MYCBP2: variants seen among roughly 807,000 people sequenced by gnomAD.
MYCBP2 encodes the protein MYC binding protein 2, also known as E3 ubiquitin-protein ligase MYCBP2.
MYCBP2 carries 120 observed loss-of-function variants against 525.3 expected under a neutral mutation model. The ratio of observed to expected loss-of-function variants is 0.23; its 90% CI spans 0.20 to 0.27. The LOEUF (loss-of-function observed/expected upper bound fraction) is 0.27, where lower values mean the gene tolerates loss of function less well. MYCBP2 is among the 10% of genes least tolerant of loss of function. The probability of loss-of-function intolerance (pLI) is 1.00; values close to 1 mark genes in which losing one functional copy is unlikely to be tolerated. For synonymous variants in MYCBP2, 1,894 were observed against 1,955.8 expected, an observed-to-expected ratio of 0.97 and a Z score of 0.83; for missense variants, 4,149 against 5,657.1, an observed-to-expected ratio of 0.73 and a Z score of 8.55.
intron 32 of MYCBP2, among the ~76,000 whole-genome samples, chr13:77,184,526 C>T (rs1039114066): frequency 1.3e-5 from 2 of 152,180 alleles, no homozygotes; most frequent in African/African-American, 4.8e-5. Flanking sequence ...GTTGACAGTA[C>T]TGTTCAAATC....
At chr13:77,208,788 GTTT>G (rs978111138) in intron 23 of MYCBP2, among the ~76,000 whole-genome samples, 1 of 151,996 alleles carries the variant, frequency 6.6e-6, no homozygotes, top group African/African-American at 2.4e-5. Flanking sequence ...TTTTTGCTTT[GTTT>G]TTTAAAAAAT....
Position 77,097,981 on chromosome 13 carries a change from T to A in MYCBP2, c.9173A>T (p.His3058Leu), listed in dbSNP as rs778086103. 6.2e-7 allele frequency: 1 copy of A among 1,613,642 alleles called. No individual in the cohort carries two copies. The part of the protein sequence containing the change: ...AMACSSFLKF[H>L]PELSKEHAPI... ...AGCATGTTCTTTGGAAAGTTCAGGA[T>A]GAAACTTTAGGAAAGAAGAACAAGC... Residue 3058 changes from histidine to leucine, a missense_variant, in exon 56 of 83, where the codon CAT becomes CTT. Coordinates refer to ENST00000544440, the MANE Select transcript of MYCBP2 (RefSeq NM_015057.5).
intron 14 of MYCBP2, among the ~76,000 whole-genome samples, chr13:77,252,910 G>A (rs772509240): frequency 3.1e-4 from 47 of 151,864 alleles, no homozygotes; most frequent in Non-Finnish European, 2.2e-4. Flanking sequence ...TCCAATACTG[G>A]AACTATTATC....
chr13:77,294,122 A>G (rs1323011904), intron 2 of MYCBP2, among the ~76,000 whole-genome samples: 4 of 66,032 alleles, frequency 6.1e-5, no homozygotes, highest in African/African-American at 1.6e-4. Flanking sequence ...ATATATATAT[A>G]TATATATACA....
intron 15 of MYCBP2, among the ~76,000 whole-genome samples, chr13:77,249,204 A>G (rs1567047196): frequency 6.6e-6 from 1 of 152,228 alleles, no homozygotes; most frequent in Non-Finnish European, 1.5e-5. Flanking sequence ...TAATAGTTGC[A>G]CAACATTATG....
At position 77,180,326 on chromosome 13, in the gene MYCBP2, A is replaced by T. The variant is rs1171349096; in HGVS notation, c.4942-8T>A. The T allele has an allele frequency of 1.2e-6, 2 of 1,612,608 alleles. No homozygotes were observed. The highest frequency in any genetic ancestry group is 2.7e-5 in the African/African-American group (2 of 74,864). On this transcript the variant is annotated splice_region_variant and splice_polypyrimidine_tract_variant and intron_variant, in intron 33 of 82. Transcript: ENST00000544440. ...TGAGATATTCTCTTCACTCTGCGAT[A>T]CATAAGAAAAAGTTCTAAGGTATTG...
In MYCBP2 at chr13:77,326,305, C is replaced by T. The variant is rs1371518941; in HGVS notation, c.302+169G>A. The stretch of plus-strand genomic sequence containing the variant: ...CACACGAGAAACTGCAGCCACCGCA[C>T]CCTCCTATCTCGATAAGTGCTCCTG... On this transcript the variant is annotated intron_variant, in intron 1 of 82. Coordinates refer to ENST00000544440, the MANE Select transcript of MYCBP2 (RefSeq NM_015057.5). This position sits in a 1 kb window ranked among gnomAD's most constrained non-coding sequence, Gnocchi z 4.2. 6.6e-6 allele frequency among the ~76,000 whole-genome samples: 1 copy of T among 151,408 alleles called. No homozygotes were observed. Among genetic ancestry groups the T allele is most frequent in the South Asian group, 2.1e-4 (1 of 4,802 alleles).
intron 3 of MYCBP2, among the ~76,000 whole-genome samples, chr13:77,283,062 C>T (rs2076364115): frequency 2.0e-5 from 3 of 152,124 alleles, no homozygotes; most frequent in Admixed American, 2.0e-4. Flanking sequence ...TACAAAGTTA[C>T]TTACTAACTG....
chr13:77,327,042 G>GCCA lies in MYCBP2; in HGVS notation c.-270_-268dup, dbSNP rs1258028681. The GCCA allele has an allele frequency of 2.7e-5, 12 of 437,680 alleles. No homozygotes were observed. The highest frequency in any genetic ancestry group is 2.1e-4 in the South Asian group (3 of 14,440). 27.1% of individuals were successfully genotyped at this position (437,680 alleles called of 1,614,324 possible). On this transcript the variant is annotated 5_prime_UTR_variant, in exon 1 of 83. Transcript: ENST00000544440. ...AGGAGGCGGTGCCGCCACTGCCGCCGCCACCACCGCTACCACCGCCACCAC... is the reference window on the plus strand; with the variant it reads ...AGGAGGCGGTGCCGCCACTGCCGCCGCCACCACCACCGCTACCACCGCCACCAC...
Position 77,058,065 on chromosome 13 carries a change from C to A in MYCBP2, c.13329+153G>T, listed in dbSNP as rs753760871. Reference sequence around the variant, plus strand: ...CTGTGTTAGCCAGGATGGTCTCGATCTCCTGACCTCGTGATCCACCTGCCT... The same window carrying A: ...CTGTGTTAGCCAGGATGGTCTCGATATCCTGACCTCGTGATCCACCTGCCT... On this transcript the variant is annotated intron_variant, in intron 78 of 82. Coordinates refer to ENST00000544440, the MANE Select transcript of MYCBP2 (RefSeq NM_015057.5). The surrounding 1 kb of genome is among the most constrained non-coding windows in gnomAD (Gnocchi z 4.1). Among the ~76,000 whole-genome samples the A allele has an allele frequency of 2.0e-5, 3 of 152,124 alleles. No homozygotes were observed. Among genetic ancestry groups the A allele is most frequent in the Non-Finnish European group, 4.4e-5 (3 of 68,028 alleles).
intron 44 of MYCBP2, among the ~76,000 whole-genome samples, chr13:77,158,702 C>G (rs1415568349): frequency 6.6e-6 from 1 of 152,098 alleles, no homozygotes; most frequent in Non-Finnish European, 1.5e-5. Flanking sequence ...CCCACCTTGC[C>G]CTATCAAAAT....
rs570186442 is a variant in MYCBP2, at chr13:77,277,517, G to A, written c.748+1241C>T. On this transcript the variant is annotated intron_variant, in intron 4 of 82. Coordinates refer to ENST00000544440, the MANE Select transcript of MYCBP2 (RefSeq NM_015057.5). ...ACACAATAACTGAGTCCCCACATGCGACCAAAAAAGAAAAATCTGACATGT... is the reference window on the plus strand; with the variant it reads ...ACACAATAACTGAGTCCCCACATGCAACCAAAAAAGAAAAATCTGACATGT... Among the ~76,000 whole-genome samples the A allele has an allele frequency of 9.9e-5, 15 of 152,034 alleles. No homozygotes were observed. In the South Asian group the frequency reaches 2.1e-3, roughly 21 times the overall value.
At chr13:77,255,735 C>T (rs2072070711) in intron 14 of MYCBP2, among the ~76,000 whole-genome samples, 1 of 151,908 alleles carries the variant, frequency 6.6e-6, no homozygotes, top group African/African-American at 2.4e-5. Flanking sequence ...AATACACACA[C>T]AGACACACGA....
chr13:77,114,245 C>T (rs1306662665), intron 55 of MYCBP2, among the ~76,000 whole-genome samples: 1 of 152,126 alleles, frequency 6.6e-6, no homozygotes, highest in Non-Finnish European at 1.5e-5. Flanking sequence ...TCCTGCAACT[C>T]ATTCCACACC....
chr13:77,098,801 T>G lies in MYCBP2; in HGVS notation c.8353A>C (p.Ser2785Arg). Residue 2785 changes from serine to arginine, a missense_variant, in exon 56 of 83, where the codon AGT becomes CGT. Coordinates refer to ENST00000544440, the MANE Select transcript of MYCBP2 (RefSeq NM_015057.5). ...DAAKLRSDSH[S>R]RSLSPNHNTL... Reference sequence around the variant, plus strand: ...TTATGGTTGGGGGATAATGACCTACTGTGGGAATCTGACCTCAACTTTGCA... The same window carrying G: ...TTATGGTTGGGGGATAATGACCTACGGTGGGAATCTGACCTCAACTTTGCA... The G allele has an allele frequency of 6.2e-7, 1 of 1,613,670 alleles. No individual in the cohort carries two copies. Among genetic ancestry groups the G allele is most frequent in the Non-Finnish European group, 8.5e-7 (1 of 1,179,774 alleles).
intron 26 of MYCBP2, among the ~76,000 whole-genome samples, chr13:77,197,363 C>T (rs1165979420): frequency 6.6e-6 from 1 of 151,818 alleles, no homozygotes; most frequent in Non-Finnish European, 1.5e-5. Context: ...ATATAGGAGG[C>T]CTATCAAGAA....
In MYCBP2 at chr13:77,262,077, C is replaced by T. The variant is rs1255823092; in HGVS notation, c.1623G>A (p.Ala541=). 11 of 1,611,212 alleles carry T rather than the reference C, an allele frequency of 6.8e-6. No individual in the cohort carries two copies. Among genetic ancestry groups the T allele is most frequent in the Middle Eastern group, 1.7e-4 (1 of 6,050 alleles). The change falls in exon 11 of 83, where the codon GCG becomes GCA. Residue 541 remains alanine, a synonymous_variant. Coordinates refer to ENST00000544440, the MANE Select transcript of MYCBP2 (RefSeq NM_015057.5). ...SAILGAGREF[A]LMKTANGKIY... is the part of the protein sequence containing the mutation. ...CCTTTCCATTTGCTGTTTTCATTAGCGCAAACTCTCGTCCTGCACCAAGAA... is the reference window on the plus strand; with the variant it reads ...CCTTTCCATTTGCTGTTTTCATTAGTGCAAACTCTCGTCCTGCACCAAGAA...
At chr13:77,240,394 C>T (rs982153421) in intron 17 of MYCBP2, among the ~76,000 whole-genome samples, 3 of 152,162 alleles carry the variant, frequency 2.0e-5, no homozygotes, top group East Asian at 1.9e-4. Context: ...GATCATTTGA[C>T]GTCAGGAGTT....
chr13:77,207,520 G>T (rs958890586), intron 23 of MYCBP2, among the ~76,000 whole-genome samples: 2 of 152,030 alleles, frequency 1.3e-5, no homozygotes, highest in African/African-American at 4.8e-5. Context: ...AAGTTCTGAT[G>T]ATCTATTTCA....
Sources: allele counts gnomAD v4.1 joint callset (sites outside exome capture counted in the v4.1 genomes callset), GRCh38; gene constraint gnomAD v4.1.1; non-coding constraint Gnocchi (gnomAD v3.1); transcripts MANE v1.5; gene names NCBI Gene and HGNC (gene_info 2026-07-23, HGNC 2026-07-21).